The following SH3GL3 variants were observed in gnomAD, a reference collection of about 807,000 sequenced individuals.
SH3GL3 encodes endophilin-A3.
A neutral mutation model predicts 47.7 loss-of-function variants in SH3GL3; 33 were observed. The ratio of observed to expected loss-of-function variants is 0.69; its 90% confidence interval spans 0.52 to 0.92. SH3GL3 has a LOEUF of 0.92. Ranked by LOEUF, SH3GL3 falls within the 40% of genes least tolerant of loss-of-function variation. SH3GL3 has a pLI of 0.00. For synonymous variants in SH3GL3, 155 were observed against 148.8 expected (o/e 1.04, Z -0.30); for missense variants, 363 against 417.8 (o/e 0.87, Z 1.14).
Position 83,578,940 on chromosome 15 carries a change from G to A in SH3GL3, c.624+2199G>A, listed in dbSNP as rs367550107. ...AGATTGTGTCTTGTGTGTCAGATGC[G>A]CCGTCTGACCCATTTGTTCCATTCA... On this transcript the variant is annotated intron_variant, in intron 6 of 8. Coordinates refer to ENST00000427482, the MANE Select transcript of SH3GL3 (RefSeq NM_003027.5). Among the ~76,000 whole-genome samples, 6 of 152,188 alleles carry A rather than the reference G, an allele frequency of 3.9e-5. No individual in the cohort carries two copies. The South Asian group carries it at 8.3e-4, about 21-fold the overall frequency.
At chr15:83,584,982 A>G (rs1418328193) in intron 6 of SH3GL3, among the ~76,000 whole-genome samples, 2 of 152,228 alleles carry the variant, frequency 1.3e-5, no homozygotes, top group Non-Finnish European at 2.9e-5. Context: ...ATCGTGGTTC[A>G]GGAAGCTGAA....
At chr15:83,587,706 T>C (rs1172713903) in intron 7 of SH3GL3, among the ~76,000 whole-genome samples, 5 of 152,228 alleles carry the variant, frequency 3.3e-5, no homozygotes, top group Non-Finnish European at 7.3e-5. Flanking sequence ...AAGAAAGGTT[T>C]CTGCATTCCT....
intron 1 of SH3GL3, among the ~76,000 whole-genome samples, chr15:83,457,405 G>T (rs79222880): frequency 0.018 from 2,794 of 152,310 alleles, 75 homozygotes; most frequent in African/African-American, 0.061. Context: ...AAGAAGGGGA[G>T]CCTCTAACAC....
chr15:83,471,704 T>A (rs2040836362), intron 1 of SH3GL3, among the ~76,000 whole-genome samples: 1 of 152,216 alleles, frequency 6.6e-6, no homozygotes, highest in Non-Finnish European at 1.5e-5. Flanking sequence ...TCAAATAAAC[T>A]TGATTAAATT....
At chr15:83,608,755 G>A (rs750457095) in intron 8 of SH3GL3, among the ~76,000 whole-genome samples, 11 of 40,514 alleles carry the variant, frequency 2.7e-4, no homozygotes, top group Non-Finnish European at 4.9e-4. Flanking sequence ...CACTCCCCCC[G>A]CCCGCCCATG....
chr15:83,520,453 C>T (rs1363224687), intron 1 of SH3GL3, among the ~76,000 whole-genome samples: 2 of 152,130 alleles, frequency 1.3e-5, no homozygotes, highest in Admixed American at 6.5e-5. Flanking sequence ...AGGTAATTTC[C>T]GTCATTTTCT....
At chr15:83,471,966 C>A (rs2040849050) in intron 1 of SH3GL3, among the ~76,000 whole-genome samples, 1 of 152,132 alleles carries the variant, frequency 6.6e-6, no homozygotes, top group African/African-American at 2.4e-5. Flanking sequence ...TCACTGCAAC[C>A]TCTGCCTCTC....
chr15:83,520,851 T>C (rs1291065978), intron 1 of SH3GL3, among the ~76,000 whole-genome samples: 1 of 152,200 alleles, frequency 6.6e-6, no homozygotes, highest in East Asian at 1.9e-4. Context: ...ATGACAGATA[T>C]GTTAATTGGC....
chr15:83,512,410 A>G (rs1460842207), intron 1 of SH3GL3, among the ~76,000 whole-genome samples: 1 of 151,900 alleles, frequency 6.6e-6, no homozygotes. Context: ...TTTCGAAACT[A>G]CTCCTAGGGT....
chr15:83,478,105 A>G (rs1567253098), intron 1 of SH3GL3, among the ~76,000 whole-genome samples: 1 of 152,160 alleles, frequency 6.6e-6, no homozygotes, highest in Non-Finnish European at 1.5e-5. Context: ...GGGCCAGTTC[A>G]TTAAACCGAA....
chr15:83,630,149 G>A, the SH3GL3 span, among the ~76,000 whole-genome samples: 48 of 152,140 alleles, frequency 3.2e-4, no homozygotes, highest in Non-Finnish European at 6.2e-4. Context: ...GCGTTCCGCC[G>A]TGATTGTGAG....
At chr15:83,482,911 G>A (rs548802794) in intron 1 of SH3GL3, among the ~76,000 whole-genome samples, 12 of 152,246 alleles carry the variant, frequency 7.9e-5, no homozygotes, top group South Asian at 2.1e-4. Flanking sequence ...GAACAGTTCC[G>A]TTCTAGGAAT....
chr15:83,473,677 A>G lies in SH3GL3; in HGVS notation c.45+26099A>G, dbSNP rs1175388191. Among the ~76,000 whole-genome samples the G allele has an allele frequency of 5.9e-5, 9 of 151,444 alleles. 1 individual carries two copies. In the East Asian group the frequency reaches 1.8e-3, roughly 29 times the overall value. On this transcript the variant is annotated intron_variant, in intron 1 of 8. Transcript: ENST00000427482. ...ATTCTCCTGCCTCAGCCTCCCGAGT[A>G]GCTGGGACGACAGGCACCCGCCACC...
intron 1 of SH3GL3, among the ~76,000 whole-genome samples, chr15:83,464,207 T>G (rs1318306977): frequency 1.3e-5 from 2 of 152,200 alleles, no homozygotes; most frequent in Non-Finnish European, 2.9e-5. Context: ...TCAACAGCAT[T>G]TGACCCAGTG....
intron 1 of SH3GL3, among the ~76,000 whole-genome samples, chr15:83,466,332 T>C (rs1695091861): frequency 1.3e-5 from 2 of 152,278 alleles, no homozygotes; most frequent in African/African-American, 4.8e-5. Context: ...ATAAAGCTGC[T>C]ATAAATATTT....
At chr15:83,582,630 C>T (rs370118311) in intron 6 of SH3GL3, among the ~76,000 whole-genome samples, 30 of 152,116 alleles carry the variant, frequency 2.0e-4, no homozygotes, top group Non-Finnish European at 3.5e-4. Context: ...CGCAGAATTC[C>T]GTCACATTAT....
At chr15:83,557,903 A>G (rs1438515509) in intron 1 of SH3GL3, among the ~76,000 whole-genome samples, 2 of 152,206 alleles carry the variant, frequency 1.3e-5, no homozygotes, top group African/African-American at 2.4e-5. Flanking sequence ...AACCCTGGCC[A>G]TTTTGTAGTC....
chr15:83,529,758 A>G (rs528691002), intron 1 of SH3GL3, among the ~76,000 whole-genome samples: 1 of 152,004 alleles, frequency 6.6e-6, no homozygotes, highest in Admixed American at 6.5e-5. Context: ...GACCCTAGGC[A>G]TTTGGGCAGC....
At chr15:83,524,747 T>C (rs1283161260) in intron 1 of SH3GL3, among the ~76,000 whole-genome samples, 1 of 152,054 alleles carries the variant, frequency 6.6e-6, no homozygotes, top group Admixed American at 6.6e-5. Flanking sequence ...CTCCCAAATA[T>C]GAGTGAGAAT....
Sources: gnomAD v4.1 joint callset for allele counts (sites outside exome capture counted in the v4.1 genomes callset) on GRCh38, gnomAD v4.1.1 for gene constraint, MANE v1.5 for transcripts, NCBI Gene and HGNC (gene_info 2026-07-23, HGNC 2026-07-21) for gene names.